Variants in UNC5D observed in about 807,000 individuals in gnomAD.
The protein encoded by UNC5D is unc-5 netrin receptor D.
UNC5D carries 39 observed loss-of-function variants against 105.4 expected under a neutral mutation model. The observed-to-expected ratio is 0.37, with a 90% confidence interval of 0.29 to 0.48. The LOEUF (loss-of-function observed/expected upper bound fraction) is 0.48, where lower values mean the gene tolerates loss of function less well. Ranked by LOEUF, UNC5D falls within the 20% of genes least tolerant of loss-of-function variation. The pLI, the probability that UNC5D is intolerant of heterozygous loss-of-function variation, is 0.98. For synonymous variants in UNC5D, 452 were observed against 450.4 expected, an observed-to-expected ratio of 1.00 and a Z score of -0.04; for missense variants, 991 against 1,202.4, an observed-to-expected ratio of 0.82 and a Z score of 2.60.
chr8:35,423,087 T>C (rs1806020746), intron 1 of UNC5D, among the ~76,000 whole-genome samples: 1 of 152,192 alleles, frequency 6.6e-6, no homozygotes, highest in African/African-American at 2.4e-5. Context: ...CCTTTTGCTT[T>C]TGAGAAGCAG....
At chr8:35,321,836 TTC>T (rs1809771041) in intron 1 of UNC5D, among the ~76,000 whole-genome samples, 2 of 152,170 alleles carry the variant, frequency 1.3e-5, no homozygotes, top group African/African-American at 4.8e-5. Flanking sequence ...CTGACTTTCT[TTC>T]TCTGTCTCCA....
chr8:35,344,777 G>A (rs1172465326), intron 1 of UNC5D, among the ~76,000 whole-genome samples: 9 of 151,956 alleles, frequency 5.9e-5, no homozygotes, highest in African/African-American at 1.9e-4. Context: ...CAAAAGCATA[G>A]AAATGTTACA....
chr8:35,526,617 C>T (rs1813896719), intron 1 of UNC5D, among the ~76,000 whole-genome samples: 1 of 151,960 alleles, frequency 6.6e-6, no homozygotes, highest in South Asian at 2.1e-4. Flanking sequence ...TTAATCTCTT[C>T]AAAATTATTT....
At chr8:35,279,271 A>G (rs138785938) in intron 1 of UNC5D, among the ~76,000 whole-genome samples, 122 of 152,340 alleles carry the variant, frequency 8.0e-4, no homozygotes, top group African/African-American at 2.8e-3. Flanking sequence ...TTCTGAAAGA[A>G]AAAGGTAAAT....
At chr8:35,419,808 C>T (rs1172659747) in intron 1 of UNC5D, among the ~76,000 whole-genome samples, 1 of 152,112 alleles carries the variant, frequency 6.6e-6, no homozygotes, top group Non-Finnish European at 1.5e-5. Flanking sequence ...AGGTTCTTGT[C>T]CTGTGTCCAA....
At chr8:35,419,827 A>C (rs985881614) in intron 1 of UNC5D, among the ~76,000 whole-genome samples, 6 of 152,178 alleles carry the variant, frequency 3.9e-5, no homozygotes, top group African/African-American at 1.2e-4. Flanking sequence ...AAGAAGAATG[A>C]GGTTGCATGG....
chr8:35,686,997 T>C (rs1826048431), intron 7 of UNC5D, among the ~76,000 whole-genome samples: 1 of 152,176 alleles, frequency 6.6e-6, no homozygotes, highest in Admixed American at 6.5e-5. Flanking sequence ...ACTTCAGACT[T>C]TTAGAAGCTA....
intron 9 of UNC5D, among the ~76,000 whole-genome samples, chr8:35,722,682 CCTT>C (rs1828646232): frequency 6.6e-6 from 1 of 152,138 alleles, no homozygotes; most frequent in Non-Finnish European, 1.5e-5. Flanking sequence ...TTCAAATTAT[CCTT>C]CTTTTTAAAA....
chr8:35,528,519 G>T (rs1228204335), intron 1 of UNC5D, among the ~76,000 whole-genome samples: 1 of 146,500 alleles, frequency 6.8e-6, no homozygotes, highest in Admixed American at 7.0e-5. Context: ...GTGTGCATGT[G>T]TCTTTATAGC....
intron 1 of UNC5D, among the ~76,000 whole-genome samples, chr8:35,429,616 AAATAACACTTTTTTTCC>A (rs1326237348): frequency 6.6e-6 from 1 of 152,176 alleles, no homozygotes; most frequent in East Asian, 1.9e-4. Flanking sequence ...ACAAGGTATA[AAATAACACTTTTTTTCC>A]ATTTTATCAA....
intron 4 of UNC5D, among the ~76,000 whole-genome samples, chr8:35,682,498 G>T (rs1326046001): frequency 1.3e-5 from 2 of 152,126 alleles, no homozygotes; most frequent in African/African-American, 2.4e-5. Context: ...TTTTACCTAT[G>T]CTGATAACTA....
chr8:35,342,548 G>A (rs952720289), intron 1 of UNC5D, among the ~76,000 whole-genome samples: 4 of 152,056 alleles, frequency 2.6e-5, no homozygotes, highest in African/African-American at 9.7e-5. Flanking sequence ...TGGGACAGAT[G>A]TCTGCTAGGC....
At chr8:35,487,591 A>C (rs897465524) in intron 1 of UNC5D, among the ~76,000 whole-genome samples, 2 of 150,944 alleles carry the variant, frequency 1.3e-5, no homozygotes, top group Non-Finnish European at 2.9e-5. Context: ...ACACACACAC[A>C]CACCCCACAG....
intron 1 of UNC5D, among the ~76,000 whole-genome samples, chr8:35,469,187 A>T (rs1483383385): frequency 6.6e-6 from 1 of 152,214 alleles, no homozygotes; most frequent in East Asian, 1.9e-4. Flanking sequence ...ACTTCTCCTT[A>T]TCAGGAGGAA....
intron 1 of UNC5D, among the ~76,000 whole-genome samples, chr8:35,360,854 A>G (rs1014970656): frequency 1.3e-5 from 2 of 152,110 alleles, no homozygotes; most frequent in African/African-American, 4.8e-5. Flanking sequence ...TGTGTAGTTT[A>G]AAACTCCTAC....
At chr8:35,588,747 G>A (rs1384916631) in intron 3 of UNC5D, among the ~76,000 whole-genome samples, 2 of 152,066 alleles carry the variant, frequency 1.3e-5, no homozygotes, top group African/African-American at 4.8e-5. Context: ...GGCAAATTAA[G>A]GATTACCTAC....
chr8:35,703,494 C>T (rs16884266), intron 7 of UNC5D, among the ~76,000 whole-genome samples: 7,890 of 152,242 alleles, frequency 0.052, 413 homozygotes, highest in African/African-American at 0.11. Flanking sequence ...GGGGAAGTGC[C>T]GCACTCATGC....
intron 1 of UNC5D, among the ~76,000 whole-genome samples, chr8:35,337,605 G>A (rs186846566): frequency 6.6e-6 from 1 of 152,278 alleles, no homozygotes; most frequent in East Asian, 1.9e-4. Context: ...GCATTCTACT[G>A]TGGTATGAAG....
intron 1 of UNC5D, among the ~76,000 whole-genome samples, chr8:35,437,739 T>C (rs1481117113): frequency 1.3e-5 from 2 of 152,064 alleles, no homozygotes; most frequent in Non-Finnish European, 2.9e-5. Context: ...TCTGTAAAGA[T>C]GTTGTTATGA....
Sources: gnomAD v4.1 joint callset for allele counts (sites outside exome capture counted in the v4.1 genomes callset) on GRCh38, gnomAD v4.1.1 for gene constraint, MANE v1.5 for transcripts, NCBI Gene and HGNC (gene_info 2026-07-23, HGNC 2026-07-21) for gene names.